Variants in SOX5 observed in about 807,000 individuals in gnomAD.
The protein encoded by SOX5 is transcription factor SOX-5.
SOX5 carries 9 observed loss-of-function variants against 92.0 expected under a neutral mutation model. The ratio of observed to expected loss-of-function variants is 0.10; its 90% CI spans 0.06 to 0.17. The LOEUF (loss-of-function observed/expected upper bound fraction) is 0.17. SOX5 is among the 10% of genes least tolerant of loss of function. The pLI, the probability that SOX5 is intolerant of heterozygous loss-of-function variation, is 1.00. For missense variants in SOX5, 642 were observed against 944.5 expected (o/e 0.68, Z 4.20); for synonymous variants, 344 against 336.3 (o/e 1.02, Z -0.25).
intron 8 of SOX5, among the ~76,000 whole-genome samples, chr12:23,623,847 T>C (rs1407141446): frequency 6.6e-6 from 1 of 151,974 alleles, no homozygotes; most frequent in South Asian, 2.1e-4. Flanking sequence ...ATACCGAAAA[T>C]GGACTGAAAG....
intron 1 of SOX5, among the ~76,000 whole-genome samples, chr12:24,421,535 C>T (rs1965913089): frequency 6.6e-6 from 1 of 152,154 alleles, no homozygotes; most frequent in Admixed American, 6.5e-5. Flanking sequence ...GACATCCTTT[C>T]TTTACCTGAT....
intron 1 of SOX5, among the ~76,000 whole-genome samples, chr12:23,934,703 T>C (rs1292913989): frequency 6.6e-6 from 1 of 151,240 alleles, no homozygotes; most frequent in Non-Finnish European, 1.5e-5. Context: ...TCTTTCTACA[T>C]GATTAACATC....
rs531002002 is a variant in SOX5, at chr12:23,727,675, G to A, written c.810+7009C>T. On this transcript the variant is annotated intron_variant, in intron 6 of 14. Transcript: ENST00000451604. ...GGAAGGGGAAAGGAGAGTGGCAATA[G>A]GGAGCTAGTAAATCTTCATGTTTCC... Among the ~76,000 whole-genome samples the A allele has an allele frequency of 7.6e-4, 116 of 152,232 alleles. 1 individual carries two copies. The highest frequency in any genetic ancestry group is 1.1e-3 in the Non-Finnish European group (73 of 68,012).
chr12:23,873,500 G>A (rs1208167386), intron 2 of SOX5, among the ~76,000 whole-genome samples: 4 of 152,022 alleles, frequency 2.6e-5, no homozygotes, highest in African/African-American at 7.2e-5. Context: ...AATAACTACA[G>A]TGCCATTGCT....
At chr12:24,207,457 A>G (rs997001515) in intron 4 of SOX5, among the ~76,000 whole-genome samples, 2 of 152,212 alleles carry the variant, frequency 1.3e-5, no homozygotes, top group Non-Finnish European at 2.9e-5. Context: ...GTAAGAATAT[A>G]TGAATGAATA....
chr12:23,668,627 T>C (rs2084246258), intron 6 of SOX5, among the ~76,000 whole-genome samples: 1 of 152,190 alleles, frequency 6.6e-6, no homozygotes, highest in Admixed American at 6.5e-5. Context: ...ACTGAATGTA[T>C]GAAATTCCCT....
chr12:23,852,965 G>C (rs1002891811), intron 2 of SOX5, among the ~76,000 whole-genome samples: 3 of 151,960 alleles, frequency 2.0e-5, no homozygotes, highest in African/African-American at 7.2e-5. Context: ...AAGGAAAGGG[G>C]GGAATGATTA....
chr12:24,441,285 CCT>C (rs1416745889), intron 1 of SOX5, among the ~76,000 whole-genome samples: 1 of 152,158 alleles, frequency 6.6e-6, no homozygotes, highest in Non-Finnish European at 1.5e-5. Context: ...TGGGCCCCGT[CCT>C]CTCTTGTATC....
rs551682031 is a variant in SOX5 at position 24,402,174 on chromosome 12, A to G, written c.-250-33535T>C. On this transcript the variant is annotated intron_variant, in intron 1 of 4. Coordinates refer to the SOX5 transcript ENST00000446891. ...GCCCAATGTTAGTGGGAGTATGGAC[A>G]AGAAAATCCATTTCTACATTAACTG... Among the ~76,000 whole-genome samples the G allele has an allele frequency of 1.0e-3, 156 of 152,352 alleles. 3 individuals are homozygous for G. Among genetic ancestry groups the G allele is most frequent in the Non-Finnish European group, 1.4e-3 (92 of 68,028 alleles).
chr12:23,677,535 C>T (rs1289476147), intron 6 of SOX5, among the ~76,000 whole-genome samples: 1 of 152,124 alleles, frequency 6.6e-6, no homozygotes, highest in Admixed American at 6.6e-5. Flanking sequence ...GCTTTAGCTG[C>T]AGACATGATC....
chr12:24,281,774 TTC>T (rs1287037967), intron 2 of SOX5, among the ~76,000 whole-genome samples: 1 of 152,214 alleles, frequency 6.6e-6, no homozygotes, highest in Non-Finnish European at 1.5e-5. Flanking sequence ...GGGAAGGATT[TTC>T]TTTTTTATAT....
intron 1 of SOX5, among the ~76,000 whole-genome samples, chr12:23,935,533 T>C (rs1389032989): frequency 6.6e-6 from 1 of 151,224 alleles, no homozygotes; most frequent in Admixed American, 6.6e-5. Context: ...TGAGAAATAC[T>C]ACATAGTTAC....
chr12:24,493,015 C>A (rs998922083), intron 1 of SOX5, among the ~76,000 whole-genome samples: 5 of 152,128 alleles, frequency 3.3e-5, no homozygotes, highest in African/African-American at 1.2e-4. Flanking sequence ...AGTACTCAAG[C>A]CCTTTATCTA....
intron 4 of SOX5, among the ~76,000 whole-genome samples, chr12:23,958,565 G>A (rs1268189920): frequency 6.6e-6 from 1 of 151,862 alleles, no homozygotes; most frequent in Admixed American, 6.6e-5. Context: ...TTCACAGCTT[G>A]TAAGAGGCAG....
At chr12:24,309,490 G>A (rs1948961523) in intron 2 of SOX5, among the ~76,000 whole-genome samples, 1 of 151,748 alleles carries the variant, frequency 6.6e-6, no homozygotes, top group Admixed American at 6.6e-5. Context: ...AACTAGTTAC[G>A]CTCTTATTTA....
chr12:24,428,726 C>CAAAAAAAAAAAAAAAAAAAAAA lies in SOX5; in HGVS notation c.-250-60109_-250-60088dup, dbSNP rs57964050. On this transcript the variant is annotated intron_variant, in intron 1 of 4. Transcript: ENST00000446891. ...GGCAACAGAGTGAGACTCTGTTTCTCAAAAAAAAAAAAAAAAAAAAAAAAA... is the reference window on the plus strand; with the variant it reads ...GGCAACAGAGTGAGACTCTGTTTCTCAAAAAAAAAAAAAAAAAAAAAAAAAAAAAAAAAAAAAAAAAAAAAAA... Among the ~76,000 whole-genome samples, 29 of 32,598 alleles carry CAAAAAAAAAAAAAAAAAAAAAA rather than the reference C, an allele frequency of 8.9e-4. 6 individuals carry two copies. The highest frequency in any genetic ancestry group is 1.2e-3 in the Non-Finnish European group (24 of 19,604). 21.4% of individuals were successfully genotyped at this position (32,598 alleles called of 152,430 possible). A position where few individuals can be genotyped will look rare whatever the true frequency, so the allele number is the denominator to read the frequency against.
At chr12:23,962,400 CA>C (rs1947052150) in intron 4 of SOX5, among the ~76,000 whole-genome samples, 1 of 152,028 alleles carries the variant, frequency 6.6e-6, no homozygotes, top group Admixed American at 6.6e-5. Context: ...GGTACGCACG[CA>C]AGCAAATGTT....
At chr12:23,922,446 G>C (rs78081699) in intron 1 of SOX5, among the ~76,000 whole-genome samples, 3 of 152,066 alleles carry the variant, frequency 2.0e-5, no homozygotes, top group African/African-American at 4.8e-5. Flanking sequence ...ACTAAACCAA[G>C]GGTTTTCTGT....
rs750260988 is a variant in SOX5 at position 24,393,361 on chromosome 12, G to A, written c.-250-24722C>T. ...TGCTGACTTTTTGGGTTGTGGTCTT[G>A]CCATTGGGACACAATTACAGGCCAA... On this transcript the variant is annotated intron_variant, in intron 1 of 4. Transcript: ENST00000446891. This position sits in a 1 kb window ranked among gnomAD's most constrained non-coding sequence, Gnocchi z 5.0. Among the ~76,000 whole-genome samples the A allele has an allele frequency of 1.3e-5, 2 of 152,162 alleles. No homozygotes were observed. The highest frequency in any genetic ancestry group is 2.9e-5 in the Non-Finnish European group (2 of 68,034).
Sources: allele counts gnomAD v4.1 joint callset (sites outside exome capture counted in the v4.1 genomes callset), GRCh38; gene constraint gnomAD v4.1.1; non-coding constraint Gnocchi (gnomAD v3.1); transcripts MANE v1.5; gene names NCBI Gene and HGNC (gene_info 2026-07-23, HGNC 2026-07-21).